TEX14: variants seen among roughly 807,000 people sequenced by gnomAD.
TEX14 encodes testis expressed 14, intercellular bridge forming factor.
TEX14 carries 168 observed loss-of-function variants against 178.6 expected under a neutral mutation model. The ratio of observed to expected loss-of-function variants is 0.94; its 90% confidence interval spans 0.83 to 1.07. TEX14 has a LOEUF of 1.07. TEX14 is among the 50% of genes least tolerant of loss of function. TEX14 has a pLI of 0.00. For missense variants in TEX14, 1,730 were observed against 1,753.6 expected (o/e 0.99, Z 0.24); for synonymous variants, 626 against 634.1 (o/e 0.99, Z 0.19).
chr17:58,650,642 T>C (rs2046820810), intron 2 of TEX14, among the ~76,000 whole-genome samples: 1 of 152,068 alleles, frequency 6.6e-6, no homozygotes, highest in Non-Finnish European at 1.5e-5. Context: ...TTTTATTTTT[T>C]GTAGAGACAG....
At chr17:58,573,371 C>A in intron 22 of TEX14, 63 bp from the exon 23 acceptor site, 1 of 1,512,354 alleles carries the variant, frequency 6.6e-7, no homozygotes, top group South Asian at 1.2e-5. Flanking sequence ...ACAATATATT[C>A]CTGAGAGGTA....
chr17:58,656,653 C>G (rs2046969153), intron 1 of TEX14, among the ~76,000 whole-genome samples: 1 of 151,324 alleles, frequency 6.6e-6, no homozygotes, highest in Admixed American at 6.6e-5. Context: ...ACTCAGGAGG[C>G]TGAGGCAGGA....
chr17:58,569,309 A>C lies in TEX14; in HGVS notation c.3818-49T>G, dbSNP rs79783592. On this transcript the variant is annotated intron_variant, in intron 25 of 31. Coordinates refer to ENST00000349033, the MANE Select transcript of TEX14 (RefSeq NM_031272.5). The surrounding 1 kb of genome is among the most constrained non-coding windows in gnomAD (Gnocchi z 4.1). Reference sequence around the variant, plus strand: ...GGAAAATGTCTTAACACCCTCCTGGACCTGAACTGAATTTTTCTCGGCTCT... The same window carrying C: ...GGAAAATGTCTTAACACCCTCCTGGCCCTGAACTGAATTTTTCTCGGCTCT... The C allele has an allele frequency of 9.7e-4, 1,439 of 1,483,298 alleles. 12 individuals are homozygous for C. The African/African-American group carries it at 0.018, about 18-fold the overall frequency. The allele number at this position is 1,483,298 out of a possible 1,614,324, so 91.9% of individuals were successfully genotyped here.
At chr17:58,643,558 T>C (rs1346557927) in intron 2 of TEX14, among the ~76,000 whole-genome samples, 1 of 104,702 alleles carries the variant, frequency 9.6e-6, no homozygotes, top group South Asian at 3.1e-4. Flanking sequence ...TGAGACCCTG[T>C]CTCAAAAATG....
chr17:58,631,882 A>AT (rs753253055), intron 2 of TEX14: 5 of 152,212 alleles, frequency 3.3e-5, no homozygotes, highest in Admixed American at 1.3e-4. Context: ...ACTCACACAT[A>AT]TTATGCTGAT....
intron 1 of TEX14, among the ~76,000 whole-genome samples, chr17:58,652,245 G>T (rs2046855049): frequency 6.6e-6 from 1 of 152,012 alleles, no homozygotes; most frequent in Non-Finnish European, 1.5e-5. Context: ...ATATATATTT[G>T]AATATATTTG....
chr17:58,660,542 T>C (rs375108264), intron 1 of TEX14: 8 of 764,828 alleles, frequency 1.0e-5, no homozygotes, highest in Non-Finnish European at 1.9e-5. Flanking sequence ...GCGGGGAAGG[T>C]GTGCACCCTG....
chr17:58,667,075 G>A (rs370007657), intron 1 of TEX14, among the ~76,000 whole-genome samples: 1 of 152,154 alleles, frequency 6.6e-6, no homozygotes, highest in South Asian at 2.1e-4. Flanking sequence ...TACTTTTGGC[G>A]TAGCCTAAGG....
intron 3 of TEX14, among the ~76,000 whole-genome samples, chr17:58,626,247 C>T (rs1248574370): frequency 6.6e-6 from 1 of 152,146 alleles, no homozygotes; most frequent in Non-Finnish European, 1.5e-5. Context: ...CAGTCCATCA[C>T]AGCGTTTCCA....
intron 2 of TEX14, among the ~76,000 whole-genome samples, chr17:58,651,244 C>T (rs1243348153): frequency 6.6e-6 from 1 of 152,160 alleles, no homozygotes; most frequent in Admixed American, 6.6e-5. Context: ...TGCTACTGCA[C>T]TGCATTTGGC....
intron 2 of TEX14, among the ~76,000 whole-genome samples, chr17:58,643,874 CAAAAAAAAAAAAAAAAAA>C (rs71143262): frequency 4.9e-5 from 1 of 20,512 alleles, no homozygotes; most frequent in Non-Finnish European, 8.2e-5. Context: ...GACTCTGTCT[CAAAAAAAAAAAAAAAAAA>C]AAAAAAAAAA....
intron 19 of TEX14, among the ~76,000 whole-genome samples, chr17:58,580,353 C>T (rs2044781900): frequency 6.6e-6 from 1 of 152,060 alleles, no homozygotes; most frequent in African/African-American, 2.4e-5. Context: ...ATTCTGTCGC[C>T]CAGGCTGGAG....
chr17:58,584,610 G>GT lies in TEX14; in HGVS notation c.3071-11dup, dbSNP rs758432060. 5.0e-6 allele frequency: 8 copies of GT among 1,600,462 alleles called. No individual in the cohort carries two copies. In the African/African-American group the frequency reaches 1.1e-4, roughly 21 times the overall value. Reference sequence around the variant, plus strand: ...GATGGGTGCCTGATACCTAATGATTGTAACACAGTCAGGGTCAAAGTCATT... The same window carrying GT: ...GATGGGTGCCTGATACCTAATGATTGTTAACACAGTCAGGGTCAAAGTCATT... On this transcript the variant is annotated splice_polypyrimidine_tract_variant and intron_variant, in intron 18 of 31. Coordinates refer to ENST00000349033, the MANE Select transcript of TEX14 (RefSeq NM_031272.5).
Position 58,599,127 on chromosome 17 carries a change from T to C in TEX14, c.2218A>G (p.Ile740Val), listed in dbSNP as rs150454554. Residue 740 changes from isoleucine (I) to valine (V), a missense_variant, in exon 14 of 32, where the codon ATA becomes GTA. Coordinates refer to ENST00000349033, the MANE Select transcript of TEX14 (RefSeq NM_031272.5). Reference sequence around the variant, plus strand: ...AGCCTATCATCATTCTCGTGCATTATTGTCTGCATAATCTTTAGATCCAGC... The same window carrying C: ...AGCCTATCATCATTCTCGTGCATTACTGTCTGCATAATCTTTAGATCCAGC... ...CVLDLKIMQT[I>V]MHENDDRLRN... The C allele has an allele frequency of 3.2e-4, 521 of 1,614,168 alleles. 1 individual carries two copies. In the African/African-American group the frequency reaches 5.8e-3, roughly 18 times the overall value.
At chr17:58,621,181 G>A (rs921855127) in intron 5 of TEX14, among the ~76,000 whole-genome samples, 2 of 152,336 alleles carry the variant, frequency 1.3e-5, no homozygotes, top group African/African-American at 4.8e-5. Flanking sequence ...TGGGAGAAGA[G>A]GGGGCTGCCC....
chr17:58,653,963 C>G (rs968166605), intron 1 of TEX14, among the ~76,000 whole-genome samples: 9 of 152,152 alleles, frequency 5.9e-5, no homozygotes, highest in Non-Finnish European at 4.4e-5. Context: ...GGGCGGATCA[C>G]AAGGTCAGGA....
At chr17:58,668,861 A>G (rs1255387544) in intron 1 of TEX14, among the ~76,000 whole-genome samples, 1 of 152,162 alleles carries the variant, frequency 6.6e-6, no homozygotes, top group Non-Finnish European at 1.5e-5. Flanking sequence ...CTGGGGGGTC[A>G]ATATATTACA....
chr17:58,563,691 AGAGAGAGAGAGCGC>A (rs1301165942), intron 28 of TEX14, among the ~76,000 whole-genome samples: 5 of 55,556 alleles, frequency 9.0e-5, no homozygotes, highest in Admixed American at 2.5e-4. Context: ...AGAGAGAGAG[AGAGAGAGAGAGCGC>A]AAGATCATAC....
chr17:58,579,673 T>C lies in TEX14; in HGVS notation c.3230A>G (p.Gln1077Arg). ...CCCTAAGGGCTTATTACCAGAGACT[T>C]GAGGTTGGGCAAATGCACCTTGTAT... ...EGIQGAFAQP[Q>R]VSGEEKFQMR... Residue 1077 changes from glutamine (Q) to arginine (R), a missense_variant, in exon 20 of 32, where the codon CAA (glutamine) becomes CGA (arginine). This residue lies in a region of TEX14 where 941 missense variants were observed against 1,072.4 expected (regional missense o/e 0.88). Transcript: ENST00000349033. 2 of 1,613,636 alleles carry C rather than the reference T, an allele frequency of 1.2e-6. No homozygotes were observed. Among genetic ancestry groups the C allele is most frequent in the Non-Finnish European group, 1.7e-6 (2 of 1,179,630 alleles).
Sources: allele counts gnomAD v4.1 joint callset (sites outside exome capture counted in the v4.1 genomes callset), GRCh38; gene constraint gnomAD v4.1.1; regional missense constraint gnomAD v4.1.1; non-coding constraint Gnocchi (gnomAD v3.1); transcripts MANE v1.5; gene names NCBI Gene and HGNC (gene_info 2026-07-23, HGNC 2026-07-21).